Variants in STPG4 observed in about 807,000 individuals in gnomAD.
STPG4 encodes sperm-tail PG-rich repeat containing 4.
In STPG4, 41 loss-of-function variants were observed where a neutral mutation model predicts 31.5. That is an observed-to-expected ratio of 1.30 (90% confidence interval 1.01 to 1.69). The LOEUF (loss-of-function observed/expected upper bound fraction) is 1.69. Ranked by LOEUF, STPG4 falls within the 40% of genes most tolerant of loss-of-function variation. STPG4 has a pLI of 0.00. For missense variants in STPG4, 375 were observed against 293.4 expected (o/e 1.28, Z -2.03); for synonymous variants, 141 against 103.0 (o/e 1.37, Z -2.24).
intron 5 of STPG4, among the ~76,000 whole-genome samples, chr2:47,107,312 T>C (rs188324657): frequency 0.026 from 3,952 of 152,034 alleles, 210 homozygotes; most frequent in African/African-American, 0.09. Flanking sequence ...GGGCTGCGCG[T>C]GGTGCTTGCG....
intron 5 of STPG4, among the ~76,000 whole-genome samples, chr2:47,114,660 CTTATAAAA>C (rs2103759358): frequency 1.3e-5 from 2 of 152,350 alleles, no homozygotes; most frequent in South Asian, 4.1e-4. Flanking sequence ...GAACTGACCA[CTTATAAAA>C]TTATATTCTA....
At chr2:47,090,638 G>C (rs1350317913) in intron 5 of STPG4, among the ~76,000 whole-genome samples, 2 of 152,150 alleles carry the variant, frequency 1.3e-5, no homozygotes. Flanking sequence ...CTCCCTGCCA[G>C]GGTCCCTGAT....
chr2:47,149,751 A>G (rs769614339), intron 3 of STPG4, among the ~76,000 whole-genome samples: 1 of 152,218 alleles, frequency 6.6e-6, no homozygotes, highest in Non-Finnish European at 1.5e-5. Flanking sequence ...TTATTAGCTT[A>G]TTTATAAATG....
chr2:47,135,363 G>A (rs1012881221), intron 3 of STPG4, among the ~76,000 whole-genome samples: 2 of 152,068 alleles, frequency 1.3e-5, no homozygotes, highest in Non-Finnish European at 2.9e-5. Context: ...AGGGTTTAAG[G>A]TCTGTGTCTA....
At position 47,089,274 on chromosome 2, in the gene STPG4, C is replaced by T. The variant is rs1685520335; in HGVS notation, c.624+996G>A. Among the ~76,000 whole-genome samples, 8 of 152,008 alleles carry T rather than the reference C, an allele frequency of 5.3e-5. No individual in the cohort carries two copies. The South Asian group carries it at 1.7e-3, about 32-fold the overall frequency. ...TGTGGATCCCCCAGCCTCCTGCTGT[C>T]AGTCTGTCTGCAATTTCACTGGCAG... On this transcript the variant is annotated intron_variant, in intron 6 of 6. Transcript: ENST00000445927.
intron 5 of STPG4, among the ~76,000 whole-genome samples, chr2:47,104,603 C>G (rs867343961): frequency 6.6e-6 from 1 of 151,982 alleles, no homozygotes; most frequent in Non-Finnish European, 1.5e-5. Flanking sequence ...TCCCAACTTA[C>G]GTGGACAGTC....
rs1306390364 is a variant in STPG4 at position 47,143,143 on chromosome 2, T to C, written c.399+8115A>G. On this transcript the variant is annotated intron_variant, in intron 3 of 6. Coordinates refer to ENST00000445927, the MANE Select transcript of STPG4 (RefSeq NM_001163561.2). Reference sequence around the variant, plus strand: ...ACCCGGCCAACCTCAACATTTGTAATGGTTGCACAGTATGTCATTTGTATG... The same window carrying C: ...ACCCGGCCAACCTCAACATTTGTAACGGTTGCACAGTATGTCATTTGTATG... Among the ~76,000 whole-genome samples, 3 of 152,130 alleles carry C rather than the reference T, an allele frequency of 2.0e-5. No individual in the cohort carries two copies. In the East Asian group the frequency reaches 5.8e-4, roughly 29 times the overall value.
chr2:47,126,597 G>C (rs974406600), intron 5 of STPG4, among the ~76,000 whole-genome samples: 4 of 152,148 alleles, frequency 2.6e-5, no homozygotes. Flanking sequence ...AAAGTGCTGA[G>C]ATTATAGGCA....
At chr2:47,119,772 T>C (rs764948726) in intron 5 of STPG4, among the ~76,000 whole-genome samples, 3 of 152,226 alleles carry the variant, frequency 2.0e-5, no homozygotes, top group Non-Finnish European at 4.4e-5. Flanking sequence ...GGCATTTATT[T>C]GCAGGGCACC....
At chr2:47,142,542 G>T (rs929638429) in intron 3 of STPG4, among the ~76,000 whole-genome samples, 1 of 152,072 alleles carries the variant, frequency 6.6e-6, no homozygotes, top group Non-Finnish European at 1.5e-5. Flanking sequence ...TTACAAATGG[G>T]CATGATTGAA....
chr2:47,089,579 A>G (rs1685526637), intron 6 of STPG4, among the ~76,000 whole-genome samples: 1 of 152,144 alleles, frequency 6.6e-6, no homozygotes, highest in Non-Finnish European at 1.5e-5. Context: ...CATACCAGCA[A>G]GTCTTGGGGA....
chr2:47,123,657 A>G (rs1291047310), intron 5 of STPG4, among the ~76,000 whole-genome samples: 1 of 152,144 alleles, frequency 6.6e-6, no homozygotes, highest in African/African-American at 2.4e-5. Flanking sequence ...CTTTGCCACA[A>G]ATTGGTTACT....
chr2:47,153,050 G>A lies in STPG4; in HGVS notation c.82-34C>T, dbSNP rs373367018. ...AAACACAAAGTATGCTTATTCATTTGAGAGGTGATCCCTTGAAATTAAATA... is the reference window on the plus strand; with the variant it reads ...AAACACAAAGTATGCTTATTCATTTAAGAGGTGATCCCTTGAAATTAAATA... On this transcript the variant is annotated intron_variant, in intron 1 of 6. Transcript: ENST00000445927. 1.4e-3 allele frequency: 2,141 copies of A among 1,526,464 alleles called. 5 individuals carry two copies. The highest frequency in any genetic ancestry group is 1.8e-3 in the Non-Finnish European group (2,042 of 1,107,256). 94.6% of individuals were successfully genotyped at this position (1,526,464 alleles called of 1,614,324 possible). A position where few individuals can be genotyped will look rare whatever the true frequency, so the allele number is the denominator to read the frequency against.
At chr2:47,087,168 T>G (rs1276070372) in intron 6 of STPG4, 38 bp from the exon 7 acceptor site, 3 of 1,548,210 alleles carry the variant, frequency 1.9e-6, no homozygotes, top group Non-Finnish European at 1.7e-6. Flanking sequence ...GATGAGACAG[T>G]GAAACCAAAA....
intron 3 of STPG4, among the ~76,000 whole-genome samples, chr2:47,137,373 A>C (rs1198297156): frequency 6.6e-6 from 1 of 152,058 alleles, no homozygotes; most frequent in Non-Finnish European, 1.5e-5. Flanking sequence ...TGTTAGACTT[A>C]ATTTGCTATC....
chr2:47,154,516 CT>C (rs2103812488), intron 1 of STPG4, among the ~76,000 whole-genome samples: 2 of 152,332 alleles, frequency 1.3e-5, no homozygotes, highest in African/African-American at 4.8e-5. Context: ...TTTAAATTCA[CT>C]CTAAGGGGAA....
At chr2:47,146,118 G>C (rs1393860891) in intron 3 of STPG4, among the ~76,000 whole-genome samples, 3 of 152,206 alleles carry the variant, frequency 2.0e-5, no homozygotes, top group Non-Finnish European at 4.4e-5. Context: ...ACAGGGAGTA[G>C]TAAGACAAAG....
intron 5 of STPG4, among the ~76,000 whole-genome samples, chr2:47,123,883 T>C (rs1345121568): frequency 2.0e-5 from 3 of 152,216 alleles, no homozygotes; most frequent in Non-Finnish European, 4.4e-5. Flanking sequence ...CAATGTGTAA[T>C]AGTAACAGCA....
chr2:47,154,998 A>G (rs1686999823), intron 1 of STPG4, among the ~76,000 whole-genome samples, 173 bp downstream of exon 1: 1 of 152,290 alleles, frequency 6.6e-6, no homozygotes, highest in East Asian at 1.9e-4. Context: ...AATGTCCAAT[A>G]AAGACCAGGA....
Sources: gnomAD v4.1 joint callset for allele counts (sites outside exome capture counted in the v4.1 genomes callset) on GRCh38, gnomAD v4.1.1 for gene constraint, MANE v1.5 for transcripts, NCBI Gene and HGNC (gene_info 2026-07-23, HGNC 2026-07-21) for gene names.